YAP1: variants seen among roughly 807,000 people sequenced by gnomAD.
YAP1 encodes Yes1 associated transcriptional regulator, also known as transcriptional coactivator YAP1.
A neutral mutation model predicts 56.9 loss-of-function variants in YAP1; 5 were observed. That is an observed-to-expected ratio of 0.09 (90% CI 0.05 to 0.18). The LOEUF (loss-of-function observed/expected upper bound fraction) is 0.18, where lower values mean the gene tolerates loss of function less well. YAP1 is among the 10% of genes least tolerant of loss of function. The probability of loss-of-function intolerance (pLI) is 1.00; values close to 1 mark genes in which losing one functional copy is unlikely to be tolerated. For missense variants in YAP1, 539 were observed against 651.8 expected (o/e 0.83, Z 1.88); for synonymous variants, 265 against 248.1 (o/e 1.07, Z -0.64).
intron 4 of YAP1, among the ~76,000 whole-genome samples, chr11:102,189,868 A>G (rs1467416609): frequency 1.3e-5 from 2 of 152,230 alleles, no homozygotes; most frequent in African/African-American, 2.4e-5. Flanking sequence ...AATATTTGGC[A>G]TTAATAATTA....
chr11:102,115,906 T>TTAAACAGCTTAATAGCCTGC (rs1943255353), intron 2 of YAP1, among the ~76,000 whole-genome samples: 1 of 152,240 alleles, frequency 6.6e-6, no homozygotes, highest in Non-Finnish European at 1.5e-5. Context: ...GGGGAGATTG[T>TTAAACAGCTTAATAGCCTGC]TAAACAGCTT....
chr11:102,157,806 G>A (rs1946041027), intron 2 of YAP1, among the ~76,000 whole-genome samples: 1 of 152,154 alleles, frequency 6.6e-6, no homozygotes, highest in Admixed American at 6.5e-5. Context: ...AAAAAATTCA[G>A]TGTCTGAGCA....
chr11:102,122,913 A>AAAAAAAAAAAAAAAC, intron 2 of YAP1, among the ~76,000 whole-genome samples: 1 of 150,842 alleles, frequency 6.6e-6, no homozygotes, highest in South Asian at 2.1e-4. Context: ...AAAAAAAAAA[A>AAAAAAAAAAAAAAAC]AAAGCAAAGA....
At chr11:102,181,370 C>T (rs112319539) in intron 3 of YAP1, among the ~76,000 whole-genome samples, 1,920 of 152,000 alleles carry the variant, frequency 0.013, 40 homozygotes, top group African/African-American at 0.044. Flanking sequence ...GGCGTGAACC[C>T]GGGAGGCGGA....
At chr11:102,158,529 C>G (rs1946084540) in intron 2 of YAP1, among the ~76,000 whole-genome samples, 1 of 152,180 alleles carries the variant, frequency 6.6e-6, no homozygotes, top group African/African-American at 2.4e-5. Flanking sequence ...GCAGTTTTAA[C>G]TAGCTCCTGG....
intron 2 of YAP1, among the ~76,000 whole-genome samples, chr11:102,136,157 T>C (rs764335682): frequency 7.9e-5 from 12 of 152,206 alleles, no homozygotes; most frequent in Non-Finnish European, 1.5e-4. Context: ...ACTGTGGTTT[T>C]AACTTACATT....
chr11:102,200,457 T>G (rs1016974617), intron 4 of YAP1, among the ~76,000 whole-genome samples: 2 of 151,268 alleles, frequency 1.3e-5, no homozygotes, highest in African/African-American at 2.5e-5. Flanking sequence ...TTTTTTTTTT[T>G]TTTTAGACAA....
At chr11:102,155,362 G>A (rs190021383) in intron 2 of YAP1, among the ~76,000 whole-genome samples, 20 of 152,224 alleles carry the variant, frequency 1.3e-4, no homozygotes, top group Non-Finnish European at 2.6e-4. Flanking sequence ...CATACATTAC[G>A]TATAGAATAT....
chr11:102,136,074 G>A (rs901103732), intron 2 of YAP1, among the ~76,000 whole-genome samples: 6 of 152,158 alleles, frequency 3.9e-5, no homozygotes, highest in Non-Finnish European at 2.9e-5. Context: ...GTGTAAGAGT[G>A]GAATTGCTGG....
At chr11:102,203,475 G>GT (rs1304834069) in intron 4 of YAP1, among the ~76,000 whole-genome samples, 1 of 152,156 alleles carries the variant, frequency 6.6e-6, no homozygotes, top group African/African-American at 2.4e-5. Flanking sequence ...AGAAGGCCCT[G>GT]TCTTTTTAGA....
At chr11:102,214,452 A>G (rs1251364665) in intron 6 of YAP1, among the ~76,000 whole-genome samples, 1 of 152,166 alleles carries the variant, frequency 6.6e-6, no homozygotes, top group Non-Finnish European at 1.5e-5. Context: ...ACAAAATAAT[A>G]CCATTGTTCA....
rs750849090 is a variant in YAP1, at chr11:102,145,553, CTA to C, written c.573-16902_573-16901del. On this transcript the variant is annotated intron_variant, in intron 2 of 8. Transcript: ENST00000282441. ...TATAATAATTGTATCATCTAGGTCT[CTA>C]ATACTTGAAAACTTAAGTTCTATAA... Among the ~76,000 whole-genome samples the C allele has an allele frequency of 3.0e-4, 45 of 152,142 alleles. 1 individual carries two copies. Among genetic ancestry groups the C allele is most frequent in the Middle Eastern group, 3.4e-3 (1 of 294 alleles).
intron 2 of YAP1, among the ~76,000 whole-genome samples, chr11:102,135,847 T>G (rs2135259320): frequency 6.6e-6 from 1 of 152,326 alleles, no homozygotes; most frequent in South Asian, 2.1e-4. Context: ...TTGCATCTTT[T>G]GATCAATTTT....
intron 4 of YAP1, among the ~76,000 whole-genome samples, chr11:102,200,444 C>CTT (rs200365533): frequency 7.6e-5 from 10 of 131,192 alleles, no homozygotes; most frequent in Admixed American, 1.6e-4. Context: ...AAAGAATAAG[C>CTT]TTTTTTTTTT....
At chr11:102,228,758 C>T (rs1396326280) in intron 8 of YAP1, among the ~76,000 whole-genome samples, 1 of 152,010 alleles carries the variant, frequency 6.6e-6, no homozygotes, top group Admixed American at 6.6e-5. Context: ...CAACCATTGC[C>T]CTAGAGTTGA....
rs1176541663 is a variant in YAP1 at position 102,233,196 on chromosome 11, CTT to C, written c.*3257_*3258del. The C allele has an allele frequency of 1.3e-5, 2 of 152,132 alleles. No individual in the cohort carries two copies. The highest frequency in any genetic ancestry group is 3.8e-4 in the East Asian group (2 of 5,198). The allele number at this position is 152,132 out of a possible 1,614,324, so 9.4% of individuals were successfully genotyped here. ...CTATCATAACAATTGTTTTCTGTATCTTGAAAAAGTATTCTCCACATTTTAAA... is the reference window on the plus strand; with the variant it reads ...CTATCATAACAATTGTTTTCTGTATCGAAAAAGTATTCTCCACATTTTAAA... On this transcript the variant is annotated 3_prime_UTR_variant, in exon 9 of 9. Transcript: ENST00000282441.
intron 1 of YAP1, among the ~76,000 whole-genome samples, chr11:102,113,393 G>A (rs896730075): frequency 6.6e-6 from 1 of 152,192 alleles, no homozygotes; most frequent in Non-Finnish European, 1.5e-5. Flanking sequence ...TGTCACACTA[G>A]CCAACTTAGA....
At chr11:102,159,189 G>A (rs931210714) in intron 2 of YAP1, among the ~76,000 whole-genome samples, 1 of 152,024 alleles carries the variant, frequency 6.6e-6, no homozygotes, top group Non-Finnish European at 1.5e-5. Context: ...CTGTTTGTTT[G>A]TTTGTGTTTG....
chr11:102,139,621 A>G lies in YAP1; in HGVS notation c.573-22835A>G, dbSNP rs369676925. On this transcript the variant is annotated intron_variant, in intron 2 of 8. Transcript: ENST00000282441. Reference sequence around the variant, plus strand: ...AGATTGTTCAGCATTTAAGAATACAATGATTCCCCCATCCCCTACTCCCTT... The same window carrying G: ...AGATTGTTCAGCATTTAAGAATACAGTGATTCCCCCATCCCCTACTCCCTT... Among the ~76,000 whole-genome samples, 19 of 152,312 alleles carry G rather than the reference A, an allele frequency of 1.2e-4. No homozygotes were observed. In the South Asian group the frequency reaches 2.1e-3, roughly 17 times the overall value.
Sources: gnomAD v4.1 joint callset for allele counts (sites outside exome capture counted in the v4.1 genomes callset) on GRCh38, gnomAD v4.1.1 for gene constraint, MANE v1.5 for transcripts, NCBI Gene and HGNC (gene_info 2026-07-23, HGNC 2026-07-21) for gene names.